Variants in LAMC2 observed in about 807,000 individuals in gnomAD.
LAMC2 encodes laminin subunit gamma 2, also known as laminin subunit gamma-2.
In LAMC2, 97 loss-of-function variants were observed where a neutral mutation model predicts 140.2. The ratio of observed to expected loss-of-function variants is 0.69; its 90% CI spans 0.59 to 0.82. The LOEUF is 0.82. LAMC2 is among the 40% of genes least tolerant of loss of function. The probability of loss-of-function intolerance (pLI) is 0.00; values close to 1 mark genes in which losing one functional copy is unlikely to be tolerated. For synonymous variants in LAMC2, 513 were observed against 540.2 expected, an observed-to-expected ratio of 0.95 and a Z score of 0.70; for missense variants, 1,402 against 1,476.1, an observed-to-expected ratio of 0.95 and a Z score of 0.82.
At chr1:183,220,550 G>A (rs896409847) in intron 4 of LAMC2, among the ~76,000 whole-genome samples, 2 of 151,854 alleles carry the variant, frequency 1.3e-5, no homozygotes, top group African/African-American at 2.4e-5. Context: ...AGGACTGGCC[G>A]ACTACTCAGA....
chr1:183,198,336 G>C (rs572678280), intron 1 of LAMC2, among the ~76,000 whole-genome samples: 1 of 151,766 alleles, frequency 6.6e-6, no homozygotes, highest in Admixed American at 6.6e-5. Context: ...GTAGAGACAG[G>C]GTTTCACCAT....
rs755928828 is a variant in LAMC2, at chr1:183,228,537, C to T, written c.1632C>T (p.Asn544=). The stretch of plus-strand genomic sequence containing the variant: ...GCAGGTGTTTGAAGTGTATCCACAA[C>T]ACAGCCGGCATCTACTGCGACCAGT... ...LTGRCLKCIH[N]TAGIYCDQCK... is the part of the protein sequence containing the mutation. Residue 544 remains asparagine, a synonymous_variant, in exon 11 of 23, where the codon AAC becomes AAT. Transcript: ENST00000264144. This position sits in a 1 kb window ranked among gnomAD's most constrained non-coding sequence, Gnocchi z 4.3. 1.2e-6 allele frequency: 2 copies of T among 1,614,040 alleles called. No homozygotes were observed. Among genetic ancestry groups the T allele is most frequent in the South Asian group, 2.2e-5 (2 of 91,052 alleles).
Position 183,220,878 on chromosome 1 carries a change from A to T in LAMC2, c.557A>T (p.Gln186Leu). The change falls in exon 5 of 23, where the codon CAG becomes CTG. Residue 186 changes from glutamine to leucine, a missense_variant. Physicochemically the swap from Gln to Leu is moderately radical, Grantham distance 113. This residue lies in a region of LAMC2 where 723 missense variants were observed against 783.3 expected (regional missense o/e 0.92). Transcript: ENST00000264144. Reference sequence around the variant, plus strand: ...GGGGGGAACCCTGAGGGCTGTACCCAGTGTTTCTGCTATGGGCATTCAGCC... The same window carrying T: ...GGGGGGAACCCTGAGGGCTGTACCCTGTGTTTCTGCTATGGGCATTCAGCC... ...LDGGNPEGCT[Q>L]CFCYGHSASC... 1 of 1,613,936 alleles carries T rather than the reference A, an allele frequency of 6.2e-7. No homozygotes were observed. Among genetic ancestry groups the T allele is most frequent in the Non-Finnish European group, 8.5e-7 (1 of 1,179,772 alleles).
At chr1:183,231,823 A>T (rs1041422931) in intron 12 of LAMC2, among the ~76,000 whole-genome samples, 2 of 152,206 alleles carry the variant, frequency 1.3e-5, no homozygotes, top group African/African-American at 4.8e-5. Context: ...CCTTTGTGTC[A>T]GGCACTGTTC....
chr1:183,220,929 G>A lies in LAMC2; in HGVS notation c.608G>A (p.Ser203Asn). ...AGCTGCCGCAGCTCTGCAGAATACA[G>A]TGTCCATAAGATCACCTCTACCTTT... ...SASCRSSAEY[S>N]VHKITSTFHQ... Residue 203 changes from serine (S) to asparagine (N), a missense_variant, in exon 5 of 23, where the codon AGT becomes AAT. Ser to Asn is a conservative substitution (Grantham distance 46). Around this residue, in one of 3 missense-constraint regions of LAMC2, gnomAD observed 723 missense variants for 783.3 expected, o/e 0.92. Coordinates refer to ENST00000264144, the MANE Select transcript of LAMC2 (RefSeq NM_005562.3). 1 of 1,614,180 alleles carries A rather than the reference G, an allele frequency of 6.2e-7. No individual in the cohort carries two copies. Among genetic ancestry groups the A allele is most frequent in the African/African-American group, 1.3e-5 (1 of 75,046 alleles).
downstream of LAMC2, chr1:183,249,642 A>G: frequency 6.8e-6 from 1 of 146,644 alleles, no homozygotes; most frequent in Non-Finnish European, 1.5e-5. Flanking sequence ...TCCTGGATTT[A>G]GTTGTGCTGT....
intron 12 of LAMC2, 43 bp downstream of exon 12, chr1:183,231,146 A>G (rs1659789373): frequency 6.2e-7 from 1 of 1,612,114 alleles, no homozygotes; most frequent in Admixed American, 1.7e-5. Flanking sequence ...CACAGAATCA[A>G]ATCCTTAAGT....
intron 3 of LAMC2, among the ~76,000 whole-genome samples, chr1:183,216,623 G>A (rs548150549): frequency 4.6e-5 from 7 of 152,212 alleles, no homozygotes; most frequent in East Asian, 1.9e-4. Context: ...GCCGTGCAGC[G>A]CCTCCTGCTC....
chr1:183,190,106 G>T (rs1658284399), intron 1 of LAMC2, among the ~76,000 whole-genome samples: 1 of 152,106 alleles, frequency 6.6e-6, no homozygotes, highest in African/African-American at 2.4e-5. Flanking sequence ...TACCATTGTG[G>T]CACATTTATA....
chr1:183,237,254 G>T (rs1203994497), intron 17 of LAMC2, 98 bp from the exon 18 acceptor site: 1 of 1,371,702 alleles, frequency 7.3e-7, no homozygotes, highest in Admixed American at 1.8e-5. Context: ...GCTTCTTAAG[G>T]CTGTTGCTAT....
At position 183,220,852 on chromosome 1, in the gene LAMC2, T is replaced by C. The variant is rs1659445134; in HGVS notation, c.531T>C (p.Asp177=). Reference sequence around the variant, plus strand: ...GTCGATCAGGTTACTATAATCTGGATGGGGGGAACCCTGAGGGCTGTACCC... The same window carrying C: ...GTCGATCAGGTTACTATAATCTGGACGGGGGGAACCCTGAGGGCTGTACCC... ...DRCRSGYYNL[D]GGNPEGCTQC... The change falls in exon 5 of 23, where the codon GAT becomes GAC. Residue 177 remains aspartate, a synonymous_variant. Coordinates refer to ENST00000264144, the MANE Select transcript of LAMC2 (RefSeq NM_005562.3). 5.0e-6 allele frequency: 8 copies of C among 1,614,014 alleles called. No homozygotes were observed. The highest frequency in any genetic ancestry group is 1.7e-5 in the Admixed American group (1 of 60,030).
rs150646163 is a variant in LAMC2, at chr1:183,223,294, C to T, written c.923C>T (p.Pro308Leu). ...APLMPLGKTL[P>L]CGLTKTYTFR... Reference sequence around the variant, plus strand: ...TTGATGCCACTTGGCAAGACACTGCCTTGTGGGCTCACCAAGACTTACACA... The same window carrying T: ...TTGATGCCACTTGGCAAGACACTGCTTTGTGGGCTCACCAAGACTTACACA... Residue 308 changes from proline to leucine, a missense_variant, in exon 7 of 23, where the codon CCT (proline) becomes CTT (leucine). Physicochemically the swap from Pro to Leu is moderately conservative, Grantham distance 98. This residue lies in a region of LAMC2 where 723 missense variants were observed against 783.3 expected (regional missense o/e 0.92). Coordinates refer to ENST00000264144, the MANE Select transcript of LAMC2 (RefSeq NM_005562.3). 2 of 1,614,048 alleles carry T rather than the reference C, an allele frequency of 1.2e-6. No homozygotes were observed. Among genetic ancestry groups the T allele is most frequent in the African/African-American group, 2.7e-5 (2 of 74,912 alleles).
intron 2 of LAMC2, among the ~76,000 whole-genome samples, chr1:183,208,558 G>A (rs919925219): frequency 1.3e-5 from 2 of 152,188 alleles, no homozygotes; most frequent in African/African-American, 4.8e-5. Context: ...TAATAAAGGA[G>A]ACAGACAAGT....
chr1:183,220,759 CA>C, intron 4 of LAMC2, 65 bp from the exon 5 acceptor site: 1 of 1,481,414 alleles, frequency 6.8e-7, no homozygotes, highest in East Asian at 2.4e-5. Context: ...CTGACTCATT[CA>C]TCATATTTTT....
intron 15 of LAMC2, 124 bp from the exon 16 acceptor site, chr1:183,235,451 T>C (rs766132125): frequency 9.6e-5 from 100 of 1,045,674 alleles, no homozygotes; most frequent in Non-Finnish European, 1.4e-4. Flanking sequence ...GTAATTTGAG[T>C]CAGTTCTGTA....
At chr1:183,230,201 C>T (rs1314896943) in intron 11 of LAMC2, among the ~76,000 whole-genome samples, 1 of 152,176 alleles carries the variant, frequency 6.6e-6, no homozygotes, top group Non-Finnish European at 1.5e-5. Context: ...ATACCATGTA[C>T]CCAGTGTGGA....
In LAMC2 at chr1:183,223,217, A is replaced by T. The variant is rs769572484; in HGVS notation, c.846A>T (p.Pro282=). ...DYRVDRGGRH[P]SAHDVILEGA... The stretch of plus-strand genomic sequence containing the variant: ...GTGTGGACAGAGGAGGCAGACACCC[A>T]TCTGCCCATGATGTGATTCTGGAAG... Residue 282 remains proline, a synonymous_variant, in exon 7 of 23, where the codon CCA becomes CCT. Coordinates refer to ENST00000264144, the MANE Select transcript of LAMC2 (RefSeq NM_005562.3). 25 of 1,613,922 alleles carry T rather than the reference A, an allele frequency of 1.5e-5. No individual in the cohort carries two copies. The highest frequency in any genetic ancestry group is 2.1e-5 in the Non-Finnish European group (25 of 1,179,776).
Position 183,228,694 on chromosome 1 carries a change from G to T in LAMC2, c.1714+75G>T. The T allele has an allele frequency of 6.4e-7, 1 of 1,570,242 alleles. No individual in the cohort carries two copies. The highest frequency in any genetic ancestry group is 2.2e-5 in the East Asian group (1 of 44,676). ...TGCACTTGCTTGCCATCTAAGCAGG[G>T]ACAATGGCAGTTCATATCATGATGT... On this transcript the variant is annotated intron_variant, in intron 11 of 22. Coordinates refer to ENST00000264144, the MANE Select transcript of LAMC2 (RefSeq NM_005562.3). The surrounding 1 kb of genome is among the most constrained non-coding windows in gnomAD (Gnocchi z 4.3).
intron 2 of LAMC2, among the ~76,000 whole-genome samples, chr1:183,211,738 C>T (rs2102203163): frequency 6.6e-6 from 1 of 152,232 alleles, no homozygotes; most frequent in East Asian, 1.9e-4. Context: ...AATTCCTGGG[C>T]TCAAGAAATC....
Sources: allele counts gnomAD v4.1 joint callset (sites outside exome capture counted in the v4.1 genomes callset), GRCh38; gene constraint gnomAD v4.1.1; regional missense constraint gnomAD v4.1.1; non-coding constraint Gnocchi (gnomAD v3.1); transcripts MANE v1.5; gene names NCBI Gene and HGNC (gene_info 2026-07-23, HGNC 2026-07-21).